The following ELMOD3 variants were observed in gnomAD, a reference collection of about 807,000 sequenced individuals.
ELMOD3 encodes ELMO domain-containing protein 3.
ELMOD3 carries 36 observed loss-of-function variants against 47.4 expected under a neutral mutation model. That is an observed-to-expected ratio of 0.76 (90% CI 0.58 to 1.00). The LOEUF (loss-of-function observed/expected upper bound fraction) is 1.00, where lower values mean the gene tolerates loss of function less well. ELMOD3 is among the 50% of genes least tolerant of loss of function. The pLI, the probability that ELMOD3 is intolerant of heterozygous loss-of-function variation, is 0.00. For synonymous variants in ELMOD3, 149 were observed against 183.5 expected (o/e 0.81, Z 1.52); for missense variants, 404 against 463.8 (o/e 0.87, Z 1.18).
At chr2:85,363,939 G>A (rs1358273611) in intron 6 of ELMOD3, among the ~76,000 whole-genome samples, 3 of 152,112 alleles carry the variant, frequency 2.0e-5, no homozygotes, top group Admixed American at 6.6e-5. Flanking sequence ...GGGACACAGA[G>A]CCAAACCACA....
Position 85,356,978 on chromosome 2 carries a change from C to A in ELMOD3, c.-221C>A, listed in dbSNP as rs1253965294. On this transcript the variant is annotated 5_prime_UTR_variant, in exon 4 of 14. Transcript: ENST00000409013. ...TTTCTTTTGTGCAGAGCTGAGGCTTCGAAGACCTCAGAGGACTTCTCTCAG... is the reference window on the plus strand; with the variant it reads ...TTTCTTTTGTGCAGAGCTGAGGCTTAGAAGACCTCAGAGGACTTCTCTCAG... 2.5e-6 allele frequency: 1 copy of A among 405,632 alleles called. No individual in the cohort carries two copies. The highest frequency in any genetic ancestry group is 2.1e-5 in the African/African-American group (1 of 48,294). The allele number at this position is 405,632 out of a possible 1,614,324, so 25.1% of individuals were successfully genotyped here. A position where few individuals can be genotyped will look rare whatever the true frequency, so the allele number is the denominator to read the frequency against.
At chr2:85,378,960 A>G (rs1685358914) in intron 11 of ELMOD3, among the ~76,000 whole-genome samples, 1 of 152,226 alleles carries the variant, frequency 6.6e-6, no homozygotes, top group African/African-American at 2.4e-5. Flanking sequence ...AGTGAAAACA[A>G]CAACAACAAA....
chr2:85,374,992 T>A (rs1268093126), intron 10 of ELMOD3, among the ~76,000 whole-genome samples: 1 of 151,888 alleles, frequency 6.6e-6, no homozygotes, highest in East Asian at 1.9e-4. Context: ...GTGCCTATAG[T>A]CACAGCTGCT....
chr2:85,372,908 AAGAC>A (rs1684897953), intron 10 of ELMOD3: 3 of 146,142 alleles, frequency 2.1e-5, no homozygotes, highest in African/African-American at 2.5e-5. Flanking sequence ...AAAAAAAAAA[AAGAC>A]AAAACCATAT....
chr2:85,391,163 C>G lies in ELMOD3; in HGVS notation c.*201C>G, dbSNP rs775079981. On this transcript the variant is annotated 3_prime_UTR_variant, in exon 14 of 14. Coordinates refer to ENST00000409013, the MANE Select transcript of ELMOD3 (RefSeq NM_001135022.2). The stretch of plus-strand genomic sequence containing the variant: ...GGGCAGCTAGACTTCACCCCCTTCC[C>G]GCAGACCTGCCTCCAGAGCAAGGAG... 1 of 582,948 alleles carries G rather than the reference C, an allele frequency of 1.7e-6. No homozygotes were observed. The highest frequency in any genetic ancestry group is 3.1e-6 in the Non-Finnish European group (1 of 325,778). 36.1% of individuals were successfully genotyped at this position (582,948 alleles called of 1,614,324 possible).
intron 11 of ELMOD3, among the ~76,000 whole-genome samples, chr2:85,380,516 T>G (rs937265373): frequency 6.6e-6 from 1 of 152,128 alleles, no homozygotes; most frequent in Non-Finnish European, 1.5e-5. Context: ...AGTTTTAAGA[T>G]GATGATTATT....
chr2:85,384,186 A>T (rs961847929), intron 11 of ELMOD3, among the ~76,000 whole-genome samples: 3 of 152,242 alleles, frequency 2.0e-5, no homozygotes, highest in Non-Finnish European at 4.4e-5. Flanking sequence ...ATAGAGTGGG[A>T]GGCAGGTTTG....
intron 13 of ELMOD3, 189 bp from the exon 14 acceptor site, chr2:85,390,571 T>G (rs1686279663): frequency 6.5e-7 from 1 of 1,549,844 alleles, no homozygotes; most frequent in African/African-American, 1.4e-5. Flanking sequence ...GTAGAGTGTG[T>G]GGTCCCTGTG....
intron 10 of ELMOD3, among the ~76,000 whole-genome samples, chr2:85,373,919 CTTTTTT>C (rs769671833): frequency 1.6e-5 from 2 of 124,582 alleles, no homozygotes; most frequent in African/African-American, 6.0e-5. Flanking sequence ...TCCTAACCCT[CTTTTTT>C]TTTTTTTTTT....
chr2:85,380,141 T>C (rs987234075), intron 11 of ELMOD3, among the ~76,000 whole-genome samples: 4 of 152,228 alleles, frequency 2.6e-5, no homozygotes, highest in African/African-American at 7.2e-5. Flanking sequence ...CAGATTCTTA[T>C]TGTATTTATG....
Position 85,377,536 on chromosome 2 carries a change from C to T in ELMOD3, c.738+62C>T, listed in dbSNP as rs1019873283. The T allele has an allele frequency of 4.1e-5, 63 of 1,530,028 alleles. 1 individual carries two copies. In the Admixed American group the frequency reaches 6.6e-4, roughly 16 times the overall value. 94.8% of individuals were successfully genotyped at this position (1,530,028 alleles called of 1,614,324 possible). A position where few individuals can be genotyped will look rare whatever the true frequency, so the allele number is the denominator to read the frequency against. ...GCCGTGGAGCTAGGACCTGAGTGGC[C>T]GAGAGGGCTCCCAGGACAGCTGAGA... is the stretch of plus-strand genomic sequence containing the variant. On this transcript the variant is annotated intron_variant, in intron 11 of 13. Transcript: ENST00000409013.
chr2:85,379,916 GGGGCTCCT>G (rs1304475065), intron 11 of ELMOD3, among the ~76,000 whole-genome samples: 1 of 152,144 alleles, frequency 6.6e-6, no homozygotes, highest in Non-Finnish European at 1.5e-5. Flanking sequence ...GGATAAACCT[GGGGCTCCT>G]GGGCCTGCCA....
chr2:85,355,113 C>G lies in ELMOD3; in HGVS notation c.-334C>G, dbSNP rs946434502. On this transcript the variant is annotated 5_prime_UTR_variant, in exon 2 of 14. Coordinates refer to ENST00000409013, the MANE Select transcript of ELMOD3 (RefSeq NM_001135022.2). ...TTCTGTCCAAAGGCTGCTCACAGCC[C>G]CTGTCTGACTGGTTGTCATGATGAA... 6.6e-6 allele frequency: 1 copy of G among 152,556 alleles called. No individual in the cohort carries two copies. Among genetic ancestry groups the G allele is most frequent in the Non-Finnish European group, 1.5e-5 (1 of 68,244 alleles). The allele number at this position is 152,556 out of a possible 1,614,324, so 9.5% of individuals were successfully genotyped here.
intron 11 of ELMOD3, among the ~76,000 whole-genome samples, 193 bp downstream of exon 11, chr2:85,377,667 T>C (rs992823228): frequency 6.6e-6 from 1 of 152,240 alleles, no homozygotes; most frequent in African/African-American, 2.4e-5. Context: ...CTCAGAGCCT[T>C]GATTCCCTCA....
At position 85,391,211 on chromosome 2, in the gene ELMOD3, C is replaced by A; in HGVS notation, c.*249C>A. 1 of 477,088 alleles carries A rather than the reference C, an allele frequency of 2.1e-6. No individual in the cohort carries two copies. 29.6% of individuals were successfully genotyped at this position (477,088 alleles called of 1,614,324 possible). A position where few individuals can be genotyped will look rare whatever the true frequency, so the allele number is the denominator to read the frequency against. ...GAGAATTCTGCCTTAATCTGTTGGGCTCCAGTCTCCGGGTTGAATTCCAGT... is the reference window on the plus strand; with the variant it reads ...GAGAATTCTGCCTTAATCTGTTGGGATCCAGTCTCCGGGTTGAATTCCAGT... On this transcript the variant is annotated 3_prime_UTR_variant, in exon 14 of 14. Transcript: ENST00000409013.
At chr2:85,387,618 C>T (rs1027470794) in intron 11 of ELMOD3, among the ~76,000 whole-genome samples, 1 of 149,628 alleles carries the variant, frequency 6.7e-6, no homozygotes. Context: ...ACCGAGATCA[C>T]GCCACTGCCC....
intron 10 of ELMOD3, among the ~76,000 whole-genome samples, chr2:85,373,272 A>G (rs999640344): frequency 6.6e-6 from 1 of 152,138 alleles, no homozygotes; most frequent in Non-Finnish European, 1.5e-5. Flanking sequence ...AAAAAAAGAT[A>G]AAAGGAAACT....
intron 13 of ELMOD3, 166 bp downstream of exon 13, chr2:85,390,431 G>T (rs746439625): frequency 1.2e-6 from 2 of 1,614,168 alleles, no homozygotes; most frequent in Non-Finnish European, 1.7e-6. Context: ...GAGTCTGCTA[G>T]TTCTCCTTTC....
chr2:85,373,608 C>T (rs1029144539), intron 10 of ELMOD3, among the ~76,000 whole-genome samples: 42 of 151,838 alleles, frequency 2.8e-4, no homozygotes, highest in East Asian at 3.9e-4. Flanking sequence ...TGGGAGGCCA[C>T]GGCGGGAGGA....
Sources: allele counts gnomAD v4.1 joint callset (sites outside exome capture counted in the v4.1 genomes callset), GRCh38; gene constraint gnomAD v4.1.1; transcripts MANE v1.5; gene names NCBI Gene and HGNC (gene_info 2026-07-23, HGNC 2026-07-21).